The following WBP4 variants were observed in gnomAD, a reference collection of about 807,000 sequenced individuals.
WBP4 encodes WW domain binding protein 4.
In WBP4, 37 loss-of-function variants were observed where a neutral mutation model predicts 55.4. The observed-to-expected ratio is 0.67, with a 90% confidence interval of 0.51 to 0.88. The LOEUF is 0.88. WBP4 is among the 40% of genes least tolerant of loss of function. WBP4 has a pLI of 0.00. For missense variants in WBP4, 398 were observed against 420.8 expected (o/e 0.95, Z 0.47); for synonymous variants, 142 against 140.2 (o/e 1.01, Z -0.09).
At chr13:41,077,619 T>C (rs1334365668) in intron 8 of WBP4, among the ~76,000 whole-genome samples, 1 of 152,104 alleles carries the variant, frequency 6.6e-6, no homozygotes, top group African/African-American at 2.4e-5. Context: ...AACATAATAT[T>C]GGAAGTGCTA....
In WBP4 at chr13:41,079,818, C is replaced by T. The variant is rs545075709; in HGVS notation, c.757-828C>T. On this transcript the variant is annotated intron_variant, in intron 8 of 9. Transcript: ENST00000379487. ...CAAAAAGTAAATCAACCTAAGTGTC[C>T]GTCAACGGAGGATTGGATAAAAAAA... Among the ~76,000 whole-genome samples the T allele has an allele frequency of 6.6e-5, 10 of 152,018 alleles. No homozygotes were observed. The South Asian group carries it at 1.5e-3, about 22-fold the overall frequency.
chr13:41,069,166 G>C (rs1465649757), intron 5 of WBP4, among the ~76,000 whole-genome samples: 1 of 152,152 alleles, frequency 6.6e-6, no homozygotes, highest in Non-Finnish European at 1.5e-5. Context: ...TGCCTTGATT[G>C]ATTTGATATT....
At chr13:41,074,081 G>C (rs1364893257) in intron 7 of WBP4, among the ~76,000 whole-genome samples, 2 of 151,794 alleles carry the variant, frequency 1.3e-5, no homozygotes, top group Non-Finnish European at 2.9e-5. Context: ...ACAGGCACCA[G>C]CCACTTCGCC....
chr13:41,063,340 A>G (rs983202814), intron 2 of WBP4, among the ~76,000 whole-genome samples: 3 of 152,220 alleles, frequency 2.0e-5, no homozygotes, highest in Non-Finnish European at 4.4e-5. Context: ...TCTGTTAAAT[A>G]TATTTTATGT....
At chr13:41,073,067 TATTCTC>T (rs1411965421) in intron 7 of WBP4, among the ~76,000 whole-genome samples, 1 of 152,236 alleles carries the variant, frequency 6.6e-6, no homozygotes, top group Non-Finnish European at 1.5e-5. Context: ...TCACCAATGT[TATTCTC>T]AGTTGATATT....
At chr13:41,072,391 CT>C (rs1342180379) in intron 6 of WBP4, among the ~76,000 whole-genome samples, 1 of 152,226 alleles carries the variant, frequency 6.6e-6, no homozygotes, top group African/African-American at 2.4e-5. Context: ...GTGGCATGAG[CT>C]TCTGGAGAGG....
At chr13:41,081,719 C>T (rs911521331) in intron 9 of WBP4, among the ~76,000 whole-genome samples, 1 of 149,094 alleles carries the variant, frequency 6.7e-6, no homozygotes, top group Admixed American at 6.7e-5. Flanking sequence ...GAGGCTAAGG[C>T]AGGAGGTTCA....
chr13:41,069,705 C>CAAAAA (rs35819905), intron 5 of WBP4, among the ~76,000 whole-genome samples: 1 of 75,886 alleles, frequency 1.3e-5, no homozygotes, highest in Admixed American at 1.5e-4. Context: ...GACTCTGCCT[C>CAAAAA]AAAAAAAAAA....
intron 4 of WBP4, among the ~76,000 whole-genome samples, chr13:41,066,216 A>G (rs774207366): frequency 2.0e-5 from 3 of 152,240 alleles, no homozygotes; most frequent in Admixed American, 6.5e-5. Context: ...AATTATATGC[A>G]TTGAGACATT....
chr13:41,065,357 G>A (rs1010899839), intron 4 of WBP4, 70 bp downstream of exon 4: 25 of 1,482,678 alleles, frequency 1.7e-5, no homozygotes, highest in Non-Finnish European at 2.1e-5. Flanking sequence ...AGCTAAGTAA[G>A]CTTTGATTGC....
At chr13:41,072,346 T>C (rs1878287242) in intron 6 of WBP4, among the ~76,000 whole-genome samples, 1 of 152,196 alleles carries the variant, frequency 6.6e-6, no homozygotes, top group Non-Finnish European at 1.5e-5. Flanking sequence ...GAGGTTTAAT[T>C]GACTCACAGT....
chr13:41,070,145 CATA>C (rs1566210375), intron 5 of WBP4, among the ~76,000 whole-genome samples: 1 of 152,068 alleles, frequency 6.6e-6, no homozygotes, highest in Non-Finnish European at 1.5e-5. Flanking sequence ...TATGGGAACT[CATA>C]ATAATGTTGA....
At chr13:41,080,591 T>C (rs1345809785) in intron 8 of WBP4, 55 bp from the exon 9 acceptor site, 2 of 1,373,788 alleles carry the variant, frequency 1.5e-6, no homozygotes, top group Non-Finnish European at 2.0e-6. Flanking sequence ...TAAATTTTAT[T>C]TTTGTCTTGG....
At chr13:41,078,595 A>G (rs1246352904) in intron 8 of WBP4, among the ~76,000 whole-genome samples, 1 of 152,228 alleles carries the variant, frequency 6.6e-6, no homozygotes, top group African/African-American at 2.4e-5. Flanking sequence ...TGGGAGGCCG[A>G]GGTGGGCGGA....
chr13:41,064,043 G>A (rs1368649055), intron 2 of WBP4, among the ~76,000 whole-genome samples: 1 of 151,362 alleles, frequency 6.6e-6, no homozygotes, highest in Non-Finnish European at 1.5e-5. Flanking sequence ...GTCATCTAGT[G>A]GCCATCACTC....
intron 1 of WBP4, 111 bp downstream of exon 1, chr13:41,061,786 A>G: frequency 6.5e-7 from 1 of 1,548,928 alleles, no homozygotes; most frequent in South Asian, 1.2e-5. Flanking sequence ...GGCGTGACAG[A>G]CGCGTTCTTA....
rs1566216369 is a variant in WBP4 at position 41,083,204 on chromosome 13, CAG to C, written c.*291_*292del. The C allele has an allele frequency of 3.7e-6, 1 of 271,812 alleles. No individual in the cohort carries two copies. The highest frequency in any genetic ancestry group is 2.2e-5 in the African/African-American group (1 of 45,534). The allele number at this position is 271,812 out of a possible 1,614,324, so 16.8% of individuals were successfully genotyped here. A position where few individuals can be genotyped will look rare whatever the true frequency, so the allele number is the denominator to read the frequency against. On this transcript the variant is annotated 3_prime_UTR_variant, in exon 10 of 10. Transcript: ENST00000379487. ...ATCTGTTATTTAAAACATGGAGAAA[CAG>C]GGCCTTTATTCCATTCATATTCATA...
intron 7 of WBP4, among the ~76,000 whole-genome samples, chr13:41,074,487 T>C (rs1302104365): frequency 6.6e-6 from 1 of 152,192 alleles, no homozygotes; most frequent in Admixed American, 6.6e-5. Flanking sequence ...TTTATACATA[T>C]AAAATAGTAT....
chr13:41,065,115 A>G, intron 3 of WBP4, 37 bp downstream of exon 3: 2 of 1,601,312 alleles, frequency 1.2e-6, no homozygotes, highest in South Asian at 2.3e-5. Flanking sequence ...TTTTCTATGC[A>G]AATGTCAGTC....
Sources: allele counts gnomAD v4.1 joint callset (sites outside exome capture counted in the v4.1 genomes callset), GRCh38; gene constraint gnomAD v4.1.1; transcripts MANE v1.5; gene names NCBI Gene and HGNC (gene_info 2026-07-23, HGNC 2026-07-21).